SCARB2: variants seen among roughly 807,000 people sequenced by gnomAD.
SCARB2 encodes lysosome membrane protein 2.
A neutral mutation model predicts 58.6 loss-of-function variants in SCARB2; 29 were observed. That is an observed-to-expected ratio of 0.49 (90% CI 0.37 to 0.67). The LOEUF (loss-of-function observed/expected upper bound fraction) is 0.67. Ranked by LOEUF, SCARB2 falls within the 30% of genes least tolerant of loss-of-function variation. The pLI, the probability that SCARB2 is intolerant of heterozygous loss-of-function variation, is 0.00. For missense variants in SCARB2, 488 were observed against 578.5 expected (o/e 0.84, Z 1.60); for synonymous variants, 195 against 210.1 (o/e 0.93, Z 0.62).
At chr4:76,169,768 G>A (rs1254950499) in intron 8 of SCARB2, 99 bp downstream of exon 8, 5 of 987,534 alleles carry the variant, frequency 5.1e-6, no homozygotes, top group Non-Finnish European at 8.1e-6. Flanking sequence ...GTATATGAAA[G>A]TAAGGATATT....
chr4:76,166,524 A>T (rs1420628821), intron 9 of SCARB2: 1 of 600,532 alleles, frequency 1.7e-6, no homozygotes, highest in African/African-American at 1.9e-5. Flanking sequence ...CAAGATACTG[A>T]AGGCAGATTC....
Position 76,180,640 on chromosome 4 carries a change from A to G in SCARB2, c.423+314T>C, listed in dbSNP as rs557151738. 4.5e-4 allele frequency: 76 copies of G among 167,210 alleles called. No homozygotes were observed. The South Asian group carries it at 0.014, about 31-fold the overall frequency. The allele number at this position is 167,210 out of a possible 1,614,324, so 10.4% of individuals were successfully genotyped here. On this transcript the variant is annotated intron_variant, in intron 3 of 11. Coordinates refer to ENST00000264896, the MANE Select transcript of SCARB2 (RefSeq NM_005506.4). ...AAACAAGGGGCAAATAAACATTTTT[A>G]AAATTATTAGCTACCAAAAAATCCT... is the stretch of plus-strand genomic sequence containing the variant.
At chr4:76,184,392 A>T (rs1241467336) in intron 2 of SCARB2, among the ~76,000 whole-genome samples, 2 of 152,362 alleles carry the variant, frequency 1.3e-5, no homozygotes, top group Admixed American at 1.3e-4. Flanking sequence ...AAAATTTGAT[A>T]GACACTTCCG....
At chr4:76,201,889 A>G (rs1732835242) in intron 1 of SCARB2, among the ~76,000 whole-genome samples, 1 of 152,192 alleles carries the variant, frequency 6.6e-6, no homozygotes, top group Non-Finnish European at 1.5e-5. Flanking sequence ...AAACTGATGA[A>G]ACTCTTTCAT....
chr4:76,226,648 T>C (rs1733404097), intron 1 of SCARB2, among the ~76,000 whole-genome samples: 1 of 152,188 alleles, frequency 6.6e-6, no homozygotes, highest in African/African-American at 2.4e-5. Flanking sequence ...CTACGTTATG[T>C]CAGACAAACA....
intron 2 of SCARB2, chr4:76,193,175 C>T (rs1732641411): frequency 1.3e-5 from 2 of 152,260 alleles, no homozygotes; most frequent in African/African-American, 4.8e-5. Context: ...AGGGTGCAAG[C>T]CATAAGCTTT....
At chr4:76,166,619 T>C in intron 9 of SCARB2, 1 of 443,094 alleles carries the variant, frequency 2.3e-6, no homozygotes, top group Non-Finnish European at 4.2e-6. Flanking sequence ...GAGTGTTTTG[T>C]AACTAGGCCA....
At chr4:76,170,982 G>T in intron 7 of SCARB2, among the ~76,000 whole-genome samples, 1 of 125,706 alleles carries the variant, frequency 8.0e-6, no homozygotes, top group African/African-American at 2.6e-5. Flanking sequence ...AACCAAATAG[G>T]GAAACAAGTT....
intron 4 of SCARB2, among the ~76,000 whole-genome samples, chr4:76,178,855 T>A (rs1732318401): frequency 6.6e-6 from 1 of 152,182 alleles, no homozygotes; most frequent in Admixed American, 6.5e-5. Flanking sequence ...AAAACTGGAA[T>A]GCTACAGGAT....
upstream of SCARB2, chr4:76,214,033 C>G (rs902952528): frequency 1.1e-5 from 3 of 270,964 alleles, no homozygotes; most frequent in Admixed American, 5.4e-5. Context: ...CCGGCCTGGC[C>G]GCTCCCAGCG....
intron 1 of SCARB2, among the ~76,000 whole-genome samples, chr4:76,224,268 T>G (rs1733358000): frequency 6.6e-6 from 1 of 152,234 alleles, no homozygotes; most frequent in Admixed American, 6.5e-5. Context: ...GCTGGCCATC[T>G]GTGTTAATTG....
chr4:76,216,500 A>C (rs1733210447), upstream of SCARB2, among the ~76,000 whole-genome samples: 1 of 151,902 alleles, frequency 6.6e-6, no homozygotes, highest in Non-Finnish European at 1.5e-5. Flanking sequence ...ATCCCAGGGT[A>C]CTCTTCCTTT....
intron 1 of SCARB2, among the ~76,000 whole-genome samples, chr4:76,206,218 G>A (rs1284154310): frequency 6.6e-6 from 1 of 152,102 alleles, no homozygotes; most frequent in African/African-American, 2.4e-5. Flanking sequence ...GGACTTCCTA[G>A]CCTCCAGAAC....
chr4:76,176,573 T>TTA (rs1732255733), intron 4 of SCARB2, 45 bp from the exon 5 acceptor site: 4 of 1,348,900 alleles, frequency 3.0e-6, no homozygotes, highest in Non-Finnish European at 4.2e-6. Flanking sequence ...TGTGATAATT[T>TTA]TATGACAACT....
chr4:76,195,613 G>T (rs1732694793), intron 2 of SCARB2, 94 bp downstream of exon 2: 1 of 1,056,850 alleles, frequency 9.5e-7, no homozygotes, highest in East Asian at 2.4e-5. Context: ...CTCCCACACA[G>T]CCCTGGAGCC....
chr4:76,168,380 C>G (rs931722322), intron 9 of SCARB2, 23 bp downstream of exon 9: 2 of 1,598,174 alleles, frequency 1.3e-6, no homozygotes, highest in Middle Eastern at 3.3e-4. Flanking sequence ...GCTGTCCCCT[C>G]CATAGAAAGA....
At chr4:76,171,083 G>A (rs1026593477) in intron 7 of SCARB2, among the ~76,000 whole-genome samples, 3 of 151,860 alleles carry the variant, frequency 2.0e-5, no homozygotes, top group African/African-American at 7.2e-5. Flanking sequence ...GGAGAAAGGA[G>A]CTTGTCGGCA....
At chr4:76,219,529 A>G (rs1397484531) in intron 1 of SCARB2, among the ~76,000 whole-genome samples, 2 of 152,154 alleles carry the variant, frequency 1.3e-5, no homozygotes, top group African/African-American at 4.8e-5. Context: ...ACAACACGAG[A>G]GGTCACAGTT....
At chr4:76,229,144 G>A (rs886314177) in intron 1 of SCARB2, among the ~76,000 whole-genome samples, 1 of 152,018 alleles carries the variant, frequency 6.6e-6, no homozygotes, top group African/African-American at 2.4e-5. Context: ...TTTTCTAAGT[G>A]TGCACTTTAT....
Sources: allele counts gnomAD v4.1 joint callset (sites outside exome capture counted in the v4.1 genomes callset), GRCh38; gene constraint gnomAD v4.1.1; transcripts MANE v1.5; gene names NCBI Gene and HGNC (gene_info 2026-07-23, HGNC 2026-07-21).